Variants in GET1 observed in about 807,000 individuals in gnomAD.
GET1 encodes guided entry of tail-anchored proteins factor 1.
In GET1, 20 loss-of-function variants were observed where a neutral mutation model predicts 22.6. That is an observed-to-expected ratio of 0.89 (90% CI 0.62 to 1.29). The LOEUF is 1.29. GET1 is among the 50% of genes most tolerant of loss of function. The pLI is 0.00. For synonymous variants in GET1, 92 were observed against 83.8 expected, an observed-to-expected ratio of 1.10 and a Z score of -0.53; for missense variants, 209 against 219.9, an observed-to-expected ratio of 0.95 and a Z score of 0.31.
chr21:39,422,876 A>T, intron 1 of GET1: 1 of 1,058,030 alleles, frequency 9.5e-7, no homozygotes. Context: ...TGAAGCAGTT[A>T]GTAATGCTTT....
downstream of GET1, among the ~76,000 whole-genome samples, chr21:39,399,244 A>C (rs1258780094): frequency 1.3e-5 from 2 of 152,212 alleles, no homozygotes; most frequent in Non-Finnish European, 2.9e-5. Flanking sequence ...TAAAGGTATA[A>C]AAATAATACC....
Position 39,427,586 on chromosome 21 carries a change from C to T in GET1, c.*24-646C>T, listed in dbSNP as rs1289719175. ...CTGAGGCAGGAGAATGGCGTGAACC[C>T]GGGAGGCAGAGCTTGCAGTGAGCCG... On this transcript the variant is annotated intron_variant, in intron 1 of 1. Transcript: ENST00000478273. Among the ~76,000 whole-genome samples, 8 of 150,268 alleles carry T rather than the reference C, an allele frequency of 5.3e-5. No homozygotes were observed. In the South Asian group the frequency reaches 1.1e-3, roughly 20 times the overall value.
chr21:39,401,072 G>A (rs2147025642), downstream of GET1, among the ~76,000 whole-genome samples: 1 of 152,106 alleles, frequency 6.6e-6, no homozygotes, highest in South Asian at 2.1e-4. Context: ...CACCATGCCT[G>A]GCTGTTTCTC....
chr21:39,400,607 G>C (rs752804923), downstream of GET1, among the ~76,000 whole-genome samples: 8 of 152,156 alleles, frequency 5.3e-5, no homozygotes, highest in Non-Finnish European at 7.3e-5. Context: ...CTGCGGTATG[G>C]AGCACTTTGA....
intron 1 of GET1, chr21:39,421,735 A>T (rs1367247634): frequency 6.6e-6 from 1 of 152,178 alleles, no homozygotes; most frequent in Non-Finnish European, 1.5e-5. Flanking sequence ...GAAAGCTACA[A>T]GGGGAAAGAA....
At chr21:39,410,770 ACTTTCCTGAAAAGTGAAGGAAATTAT>A, downstream of GET1, 1 of 466,288 alleles carries the variant, frequency 2.1e-6, no homozygotes, top group Non-Finnish European at 4.4e-6. Context: ...TCTAGACTGC[ACTTTCCTGAAAAGTGAAGGAAATTAT>A]ATCATTTAAA....
chr21:39,383,076 G>T (rs1280559941), intron 1 of GET1, among the ~76,000 whole-genome samples: 2 of 145,696 alleles, frequency 1.4e-5, no homozygotes, highest in Non-Finnish European at 3.0e-5. Context: ...TCAGCCTCCC[G>T]AGTAGCTGGG....
intron 1 of GET1, among the ~76,000 whole-genome samples, chr21:39,415,501 C>G (rs540370860): frequency 2.0e-5 from 3 of 152,278 alleles, no homozygotes; most frequent in South Asian, 2.1e-4. Flanking sequence ...TTATTTGAAG[C>G]AAATCTAGAC....
At chr21:39,403,471 C>T (rs1348336118) in intron 4 of GET1, among the ~76,000 whole-genome samples, 3 of 151,402 alleles carry the variant, frequency 2.0e-5, no homozygotes, top group Non-Finnish European at 4.4e-5. Context: ...GGACTAAAGG[C>T]GCCGCCACCA....
intron 1 of GET1, among the ~76,000 whole-genome samples, chr21:39,419,822 A>T (rs1426040377): frequency 6.6e-6 from 1 of 152,196 alleles, no homozygotes; most frequent in African/African-American, 2.4e-5. Context: ...TAAGCATCTT[A>T]TCTAAATTGT....
chr21:39,380,526 C>T (rs775943200), intron 1 of GET1, 40 bp downstream of exon 1: 5 of 1,583,132 alleles, frequency 3.2e-6, no homozygotes, highest in Non-Finnish European at 4.3e-6. Flanking sequence ...GGTGGGGATG[C>T]CGCCCCAGTC....
intron 1 of GET1, among the ~76,000 whole-genome samples, chr21:39,412,623 G>T (rs1044595983): frequency 6.6e-6 from 1 of 151,730 alleles, no homozygotes; most frequent in African/African-American, 2.4e-5. Flanking sequence ...CACACACGGG[G>T]GGTGGGGCGG....
rs1319406474 is a variant in GET1, at chr21:39,397,751, CTT to C, written c.*817_*818del. On this transcript the variant is annotated 3_prime_UTR_variant, in exon 5 of 5. Transcript: ENST00000649170. ...ATTCTATTAAATGTTCCTTAAAACA[CTT>C]TTTTCTAATTAAAATCTTTGCAAAT... The C allele has an allele frequency of 1.3e-5, 2 of 152,276 alleles. No individual in the cohort carries two copies. The highest frequency in any genetic ancestry group is 3.9e-4 in the East Asian group (2 of 5,186). 9.4% of individuals were successfully genotyped at this position (152,276 alleles called of 1,614,324 possible). A position where few individuals can be genotyped will look rare whatever the true frequency, so the allele number is the denominator to read the frequency against.
At chr21:39,380,523 A>G (rs746339957) in intron 1 of GET1, 37 bp downstream of exon 1, 1 of 1,586,728 alleles carries the variant, frequency 6.3e-7, no homozygotes, top group Admixed American at 1.8e-5. Context: ...GCCGGTGGGG[A>G]TGCCGCCCCA....
intron 1 of GET1, chr21:39,420,619 A>AATCACT: frequency 8.2e-7 from 1 of 1,212,614 alleles, no homozygotes; most frequent in Non-Finnish European, 1.2e-6. Flanking sequence ...TAAAATAAAA[A>AATCACT]ATCACTTAAA....
At chr21:39,426,909 A>G (rs1179522355) in intron 1 of GET1, among the ~76,000 whole-genome samples, 4 of 152,238 alleles carry the variant, frequency 2.6e-5, no homozygotes, top group Non-Finnish European at 5.9e-5. Flanking sequence ...CTCTGATGAA[A>G]GGTACAGGGC....
At chr21:39,417,398 T>A (rs11910288) in intron 1 of GET1, among the ~76,000 whole-genome samples, 1 of 152,216 alleles carries the variant, frequency 6.6e-6, no homozygotes, top group African/African-American at 2.4e-5. Flanking sequence ...ATTTTCATGG[T>A]TCCATAAAGA....
intron 1 of GET1, among the ~76,000 whole-genome samples, chr21:39,414,644 C>CAA (rs1174784380): frequency 1.3e-5 from 2 of 151,256 alleles, no homozygotes; most frequent in African/African-American, 2.4e-5. Context: ...TGCTGTGAGG[C>CAA]AGAAGTGATG....
In GET1 at chr21:39,417,359, G is replaced by A. The variant is rs375114501; in HGVS notation, c.*23+6422G>A. Among the ~76,000 whole-genome samples, 360 of 152,112 alleles carry A rather than the reference G, an allele frequency of 2.4e-3. 4 individuals carry two copies. The highest frequency in any genetic ancestry group is 8.2e-3 in the African/African-American group (339 of 41,504). On this transcript the variant is annotated intron_variant, in intron 1 of 1. Transcript: ENST00000478273. Reference sequence around the variant, plus strand: ...CCAGCTGCTTTTTAGTTTTTTTTACGTTTAATTCTGCTTTGTACTTATGGA... The same window carrying A: ...CCAGCTGCTTTTTAGTTTTTTTTACATTTAATTCTGCTTTGTACTTATGGA...
Sources: allele counts gnomAD v4.1 joint callset (sites outside exome capture counted in the v4.1 genomes callset), GRCh38; gene constraint gnomAD v4.1.1; transcripts MANE v1.5; gene names NCBI Gene and HGNC (gene_info 2026-07-23, HGNC 2026-07-21).